SMYD3: variants seen among roughly 807,000 people sequenced by gnomAD.
SMYD3 encodes the protein SET and MYND domain containing 3.
A neutral mutation model predicts 57.7 loss-of-function variants in SMYD3; 36 were observed. The ratio of observed to expected loss-of-function variants is 0.62; its 90% CI spans 0.48 to 0.82. The LOEUF (loss-of-function observed/expected upper bound fraction) is 0.82. Among genes scored for constraint, SMYD3 ranks in the 40% least tolerant of loss-of-function variants. SMYD3 has a pLI of 0.00. For missense variants in SMYD3, 515 were observed against 538.8 expected, an observed-to-expected ratio of 0.96 and a Z score of 0.44; for synonymous variants, 211 against 195.0, an observed-to-expected ratio of 1.08 and a Z score of -0.68.
At chr1:245,978,094 T>C (rs1489100388) in intron 5 of SMYD3, among the ~76,000 whole-genome samples, 1 of 152,214 alleles carries the variant, frequency 6.6e-6, no homozygotes, top group African/African-American at 2.4e-5. Flanking sequence ...CCTGGCTCTT[T>C]GTAGGAGCTG....
intron 1 of SMYD3, among the ~76,000 whole-genome samples, chr1:246,443,866 C>T (rs1196802502): frequency 6.6e-6 from 1 of 152,096 alleles, no homozygotes; most frequent in Non-Finnish European, 1.5e-5. Context: ...CCTGTTCTGT[C>T]AAATCAATAA....
rs538639213 is a variant in SMYD3 at position 245,805,631 on chromosome 1, G to C, written c.1077-41482C>G. ...AAATTTGTGGCACAGGAAAGGGATA[G>C]GTTGAAACCAAAAACTATTTTGCTT... On this transcript the variant is annotated intron_variant, in intron 10 of 11. Coordinates refer to ENST00000490107, the MANE Select transcript of SMYD3 (RefSeq NM_001167740.2). Among the ~76,000 whole-genome samples, 89 of 152,262 alleles carry C rather than the reference G, an allele frequency of 5.8e-4. 1 individual carries two copies. In the South Asian group the frequency reaches 6.2e-3, roughly 11 times the overall value.
At chr1:246,476,401 T>C (rs532932778) in intron 1 of SMYD3, among the ~76,000 whole-genome samples, 5 of 152,312 alleles carry the variant, frequency 3.3e-5, no homozygotes, top group Middle Eastern at 3.4e-3. Flanking sequence ...CACCTGGAGA[T>C]CTTGTTAAAA....
At chr1:246,170,035 T>C (rs2062301327) in intron 5 of SMYD3, among the ~76,000 whole-genome samples, 1 of 152,198 alleles carries the variant, frequency 6.6e-6, no homozygotes, top group Non-Finnish European at 1.5e-5. Flanking sequence ...AGTTTAATTC[T>C]GAGTCTGCAT....
At chr1:246,362,431 CTTTCCCACGG>C (rs1196525606) in intron 1 of SMYD3, among the ~76,000 whole-genome samples, 11 of 112,116 alleles carry the variant, frequency 9.8e-5, no homozygotes, top group Admixed American at 1.9e-4. Flanking sequence ...CTCCCTCTCC[CTTTCCCACGG>C]TCTCCCTCTC....
At chr1:246,316,661 G>A (rs1385671690) in intron 5 of SMYD3, among the ~76,000 whole-genome samples, 5 of 144,406 alleles carry the variant, frequency 3.5e-5, no homozygotes, top group South Asian at 2.2e-4. Flanking sequence ...GATTACAGGC[G>A]TGAGCCACCG....
At chr1:246,341,951 C>T (rs1273573694) in intron 2 of SMYD3, among the ~76,000 whole-genome samples, 1 of 152,092 alleles carries the variant, frequency 6.6e-6, no homozygotes, top group East Asian at 1.9e-4. Context: ...GTATTTATTC[C>T]ATAAGAAGAT....
At chr1:245,941,343 T>A (rs2057236549) in intron 5 of SMYD3, among the ~76,000 whole-genome samples, 1 of 151,858 alleles carries the variant, frequency 6.6e-6, no homozygotes, top group African/African-American at 2.4e-5. Flanking sequence ...CATGAGAAGA[T>A]CAACCCCAAG....
intron 8 of SMYD3, among the ~76,000 whole-genome samples, chr1:245,891,872 A>C (rs2053404485): frequency 6.6e-6 from 1 of 152,154 alleles, no homozygotes; most frequent in Non-Finnish European, 1.5e-5. Flanking sequence ...GTGAGACTCC[A>C]TCTCTACAAA....
intron 10 of SMYD3, among the ~76,000 whole-genome samples, chr1:245,791,286 A>G (rs2047256286): frequency 1.3e-5 from 2 of 152,202 alleles, no homozygotes; most frequent in South Asian, 2.1e-4. Flanking sequence ...TTACCTAGGA[A>G]AAGAGATCTG....
At chr1:246,290,112 G>T (rs746531473) in intron 5 of SMYD3, among the ~76,000 whole-genome samples, 1 of 152,180 alleles carries the variant, frequency 6.6e-6, no homozygotes, top group Non-Finnish European at 1.5e-5. Context: ...CAGCAACACA[G>T]CAAAATAACT....
At chr1:246,407,791 G>A (rs1378984932) in intron 1 of SMYD3, among the ~76,000 whole-genome samples, 2 of 151,952 alleles carry the variant, frequency 1.3e-5, no homozygotes, top group African/African-American at 2.4e-5. Context: ...GCAGTGAGCC[G>A]AGATCACGCC....
At chr1:246,327,101 G>A in intron 5 of SMYD3, 100 bp downstream of exon 5, 1 of 1,454,958 alleles carries the variant, frequency 6.9e-7, no homozygotes, top group South Asian at 1.2e-5. Context: ...TAAGGGTCTT[G>A]AATTTCCTGT....
chr1:245,791,597 G>A (rs1023832725), intron 10 of SMYD3, among the ~76,000 whole-genome samples: 1 of 138,260 alleles, frequency 7.2e-6, no homozygotes. Context: ...AGGAATGGGG[G>A]GAGAGGACGG....
At chr1:245,866,679 CCAAGACCACG>C (rs2051871095) in intron 8 of SMYD3, among the ~76,000 whole-genome samples, 1 of 152,112 alleles carries the variant, frequency 6.6e-6, no homozygotes, top group African/African-American at 2.4e-5. Context: ...TTGCAGTGAG[CCAAGACCACG>C]CCACTGCACT....
chr1:246,085,130 C>T (rs768129072), intron 5 of SMYD3, among the ~76,000 whole-genome samples: 23 of 152,270 alleles, frequency 1.5e-4, no homozygotes, highest in Non-Finnish European at 2.2e-4. Flanking sequence ...AAGTGTTACA[C>T]TATCTATAGT....
At chr1:245,917,012 C>G (rs931846817) in intron 7 of SMYD3, among the ~76,000 whole-genome samples, 2 of 138,370 alleles carry the variant, frequency 1.4e-5, no homozygotes, top group Non-Finnish European at 3.0e-5. Flanking sequence ...TTATGTGACT[C>G]TAATAATAAA....
chr1:246,463,912 A>C (rs2103042020), intron 1 of SMYD3, among the ~76,000 whole-genome samples: 1 of 152,058 alleles, frequency 6.6e-6, no homozygotes, highest in Admixed American at 6.5e-5. Context: ...CAAGAATAAC[A>C]ATTATATAAG....
chr1:245,946,350 C>T (rs1037844150), intron 5 of SMYD3, among the ~76,000 whole-genome samples: 3 of 152,178 alleles, frequency 2.0e-5, no homozygotes, highest in African/African-American at 4.8e-5. Context: ...ACCTAAAAAT[C>T]ACACCACTCA....
Sources: allele counts gnomAD v4.1 joint callset (sites outside exome capture counted in the v4.1 genomes callset), GRCh38; gene constraint gnomAD v4.1.1; transcripts MANE v1.5; gene names NCBI Gene and HGNC (gene_info 2026-07-23, HGNC 2026-07-21).